The following CHSY3 variants were observed in gnomAD, a reference collection of about 807,000 sequenced individuals.
CHSY3 encodes chondroitin sulfate synthase 3, also known as N-acetylgalactosaminyl-proteoglycan 3-beta-glucuronosyltransferase 3.
In CHSY3, 35 loss-of-function variants were observed where a neutral mutation model predicts 67.2. That is an observed-to-expected ratio of 0.52 (90% confidence interval 0.40 to 0.69). The LOEUF (loss-of-function observed/expected upper bound fraction) is 0.69, where lower values mean the gene tolerates loss of function less well. CHSY3 is among the 30% of genes least tolerant of loss of function. The pLI, the probability that CHSY3 is intolerant of heterozygous loss-of-function variation, is 0.00. For missense variants in CHSY3, 1,069 were observed against 1,138.5 expected, an observed-to-expected ratio of 0.94 and a Z score of 0.88; for synonymous variants, 474 against 434.7, an observed-to-expected ratio of 1.09 and a Z score of -1.12.
intron 2 of CHSY3, among the ~76,000 whole-genome samples, chr5:130,034,883 T>C (rs947176754): frequency 6.6e-6 from 1 of 152,044 alleles, no homozygotes; most frequent in Non-Finnish European, 1.5e-5. Flanking sequence ...GAATAGCAAG[T>C]GCAAAGGTTT....
chr5:130,085,453 A>T (rs1027087141), intron 2 of CHSY3, among the ~76,000 whole-genome samples: 1 of 151,836 alleles, frequency 6.6e-6, no homozygotes, highest in African/African-American at 2.4e-5. Flanking sequence ...AAGCACAGAA[A>T]CTTCCCCTTT....
At chr5:129,958,666 G>A (rs1762246871) in intron 2 of CHSY3, among the ~76,000 whole-genome samples, 1 of 152,092 alleles carries the variant, frequency 6.6e-6, no homozygotes, top group Non-Finnish European at 1.5e-5. Context: ...GAGTAGCTGA[G>A]ACTACAGGCA....
chr5:130,183,790 C>A (rs1267768116), intron 2 of CHSY3, among the ~76,000 whole-genome samples: 1 of 151,930 alleles, frequency 6.6e-6, no homozygotes, highest in African/African-American at 2.4e-5. Context: ...CAAATGATAC[C>A]ACATTTCAGT....
intron 2 of CHSY3, among the ~76,000 whole-genome samples, chr5:129,955,459 T>C (rs1762144481): frequency 1.3e-5 from 2 of 151,508 alleles, no homozygotes; most frequent in South Asian, 4.1e-4. Context: ...CTTTTCTCCC[T>C]CCTTTCTTCT....
At chr5:130,056,918 C>CTTTTTTT (rs58326964) in intron 2 of CHSY3, among the ~76,000 whole-genome samples, 29 of 56,054 alleles carry the variant, frequency 5.2e-4, no homozygotes, top group Non-Finnish European at 6.2e-4. Context: ...GCATTTCTTT[C>CTTTTTTT]TTTTTTTTTT....
intron 1 of CHSY3, 116 bp downstream of exon 1, chr5:129,905,747 C>A (rs1760261239): frequency 6.6e-7 from 1 of 1,518,398 alleles, no homozygotes; most frequent in Non-Finnish European, 8.8e-7. Flanking sequence ...GTGCTTCGGG[C>A]TCCCACAGGC....
At chr5:129,979,341 T>A (rs1249136510) in intron 2 of CHSY3, among the ~76,000 whole-genome samples, 2 of 151,956 alleles carry the variant, frequency 1.3e-5, no homozygotes, top group Admixed American at 1.3e-4. Context: ...TTTAAAAAAC[T>A]GACAAGATTT....
intron 2 of CHSY3, among the ~76,000 whole-genome samples, chr5:130,020,354 A>G (rs1256541284): frequency 1.3e-5 from 2 of 149,804 alleles, no homozygotes; most frequent in Non-Finnish European, 3.0e-5. Flanking sequence ...TGGGGGGCAG[A>G]GGTTGTAGTG....
intron 2 of CHSY3, among the ~76,000 whole-genome samples, chr5:130,113,946 A>C (rs991714893): frequency 8.5e-5 from 13 of 152,154 alleles, no homozygotes; most frequent in African/African-American, 2.7e-4. Flanking sequence ...CATGAGAACT[A>C]TGTTATGTTT....
Position 130,186,233 on chromosome 5 carries a change from G to A in CHSY3, c.*442G>A, listed in dbSNP as rs1163056518. 1 of 150,788 alleles carries A rather than the reference G, an allele frequency of 6.6e-6. No individual in the cohort carries two copies. The highest frequency in any genetic ancestry group is 2.5e-5 in the African/African-American group (1 of 39,556). 9.3% of individuals were successfully genotyped at this position (150,788 alleles called of 1,614,324 possible). A position where few individuals can be genotyped will look rare whatever the true frequency, so the allele number is the denominator to read the frequency against. On this transcript the variant is annotated 3_prime_UTR_variant, in exon 3 of 3. Transcript: ENST00000305031. ...AGTGCTTTATGCTTCCTATGGGGAA[G>A]GGACTCTGTAACATAAACTTGAGTT...
chr5:130,121,117 G>T (rs1768007747), intron 2 of CHSY3, among the ~76,000 whole-genome samples: 1 of 152,148 alleles, frequency 6.6e-6, no homozygotes, highest in Non-Finnish European at 1.5e-5. Flanking sequence ...TCTTTATAGT[G>T]GTTCCCCAAC....
chr5:129,937,528 T>C (rs184182142), intron 2 of CHSY3, among the ~76,000 whole-genome samples: 6 of 152,066 alleles, frequency 3.9e-5, no homozygotes, highest in Middle Eastern at 6.8e-3. Context: ...TAAAACACAA[T>C]AATGCCTCCT....
intron 2 of CHSY3, among the ~76,000 whole-genome samples, chr5:130,170,946 C>A (rs1016262689): frequency 4.0e-5 from 6 of 151,828 alleles, no homozygotes; most frequent in African/African-American, 1.5e-4. Flanking sequence ...GTTAGTTATG[C>A]TCTGAACCCA....
intron 2 of CHSY3, among the ~76,000 whole-genome samples, chr5:129,910,851 T>G (rs545555400): frequency 6.6e-6 from 1 of 152,084 alleles, no homozygotes; most frequent in Non-Finnish European, 1.5e-5. Flanking sequence ...ATTTTACATC[T>G]GCTCATTAAA....
At chr5:130,135,597 G>T (rs1290044433) in intron 2 of CHSY3, among the ~76,000 whole-genome samples, 2 of 151,898 alleles carry the variant, frequency 1.3e-5, no homozygotes, top group African/African-American at 4.8e-5. Context: ...TTTGTTCTTT[G>T]TTACCATCAT....
chr5:129,936,688 A>G (rs1481625253), intron 2 of CHSY3, among the ~76,000 whole-genome samples: 1 of 152,204 alleles, frequency 6.6e-6, no homozygotes, highest in Non-Finnish European at 1.5e-5. Flanking sequence ...TTTCTTTGAG[A>G]GACATAAGAT....
At chr5:130,047,849 A>G (rs1480707639) in intron 2 of CHSY3, among the ~76,000 whole-genome samples, 2 of 151,824 alleles carry the variant, frequency 1.3e-5, no homozygotes, top group African/African-American at 4.9e-5. Context: ...TTGTTAATTC[A>G]AATTTTAATA....
intron 2 of CHSY3, among the ~76,000 whole-genome samples, chr5:130,126,554 GAGAGAGAA>G (rs1234598523): frequency 6.6e-6 from 1 of 151,890 alleles, no homozygotes. Flanking sequence ...AGAAGCAACA[GAGAGAGAA>G]AGAGAGAGAG....
intron 2 of CHSY3, among the ~76,000 whole-genome samples, chr5:129,943,633 C>T (rs1034638023): frequency 5.9e-5 from 9 of 152,034 alleles, no homozygotes; most frequent in East Asian, 5.8e-4. Flanking sequence ...AAACGTATTT[C>T]GTACATAAAA....
Sources: allele counts gnomAD v4.1 joint callset (sites outside exome capture counted in the v4.1 genomes callset), GRCh38; gene constraint gnomAD v4.1.1; transcripts MANE v1.5; gene names NCBI Gene and HGNC (gene_info 2026-07-23, HGNC 2026-07-21).